The following ADI1 variants were observed in gnomAD, a reference collection of about 807,000 sequenced individuals.
ADI1 encodes the protein acireductone dioxygenase.
Under a neutral mutation model 18.7 loss-of-function variants are expected in ADI1, and 21 were observed. That is an observed-to-expected ratio of 1.13 (90% confidence interval 0.80 to 1.62). The LOEUF is 1.62. Ranked by LOEUF, ADI1 falls within the 40% of genes most tolerant of loss-of-function variation. ADI1 has a pLI of 0.00. For synonymous variants in ADI1, 90 were observed against 100.1 expected (o/e 0.90, Z 0.60); for missense variants, 245 against 254.9 (o/e 0.96, Z 0.26).
At chr2:3,504,591 C>A (rs141182496) in intron 2 of ADI1, among the ~76,000 whole-genome samples, 1 of 152,186 alleles carries the variant, frequency 6.6e-6, no homozygotes, top group Non-Finnish European at 1.5e-5. Context: ...GGAACTCACA[C>A]GACAGATCTA....
chr2:3,516,865 G>C, intron 1 of ADI1: 2 of 985,296 alleles, frequency 2.0e-6, no homozygotes, highest in Non-Finnish European at 2.4e-6. Context: ...AAAATTATGG[G>C]AGATGTTACA....
chr2:3,513,582 A>C (rs1667338055), intron 2 of ADI1, among the ~76,000 whole-genome samples: 7 of 152,148 alleles, frequency 4.6e-5, no homozygotes, highest in Admixed American at 4.6e-4. Flanking sequence ...TTATGTGAGA[A>C]GCCTGCTCCC....
At chr2:3,514,379 G>A (rs1305698294) in intron 1 of ADI1, among the ~76,000 whole-genome samples, 1 of 152,086 alleles carries the variant, frequency 6.6e-6, no homozygotes, top group Non-Finnish European at 1.5e-5. Flanking sequence ...TTGTTTCCAT[G>A]AGCCAAAACA....
chr2:3,516,114 T>C, intron 1 of ADI1: 2 of 919,602 alleles, frequency 2.2e-6, no homozygotes, highest in Non-Finnish European at 2.6e-6. Flanking sequence ...AATGTGATAG[T>C]ATTAAGGGGT....
intron 1 of ADI1, chr2:3,517,673 T>TGA (rs1667439756): frequency 6.6e-6 from 1 of 151,156 alleles, no homozygotes; most frequent in Non-Finnish European, 1.5e-5. Context: ...GGCTGACACA[T>TGA]GAGAATGGCT....
rs150142546 is a variant in ADI1 at position 3,503,431 on chromosome 2, A to G, written c.241-2438T>C. Among the ~76,000 whole-genome samples the G allele has an allele frequency of 4.8e-4, 73 of 151,656 alleles. 16 individuals carry two copies. In the East Asian group the frequency reaches 0.013, roughly 26 times the overall value. On this transcript the variant is annotated intron_variant, in intron 2 of 3. Coordinates refer to ENST00000327435, the MANE Select transcript of ADI1 (RefSeq NM_018269.4). Reference sequence around the variant, plus strand: ...CATGCACACGTACACACACGAGTGCATTCACACTCATGCACACATACGGAC... The same window carrying G: ...CATGCACACGTACACACACGAGTGCGTTCACACTCATGCACACATACGGAC...
intron 3 of ADI1, chr2:3,500,484 C>G: frequency 2.1e-6 from 1 of 468,546 alleles, no homozygotes; most frequent in Non-Finnish European, 3.9e-6. Flanking sequence ...GCCTCACCGC[C>G]AAGCAAGGGC....
At chr2:3,518,012 G>C (rs574869843) in intron 1 of ADI1, among the ~76,000 whole-genome samples, 1 of 152,262 alleles carries the variant, frequency 6.6e-6, no homozygotes, top group Non-Finnish European at 1.5e-5. Context: ...AACTCCCCAA[G>C]TGTATTAATT....
intron 2 of ADI1, among the ~76,000 whole-genome samples, chr2:3,505,697 C>G (rs1667160861): frequency 6.6e-6 from 1 of 152,214 alleles, no homozygotes; most frequent in Non-Finnish European, 1.5e-5. Context: ...CCCTTCGGAA[C>G]TCCATGTTAT....
At chr2:3,519,051 G>A (rs1218041953) in intron 1 of ADI1, among the ~76,000 whole-genome samples, 3 of 149,782 alleles carry the variant, frequency 2.0e-5, no homozygotes, top group Non-Finnish European at 3.0e-5. Flanking sequence ...CGCCAACCCC[G>A]TAAACTTCGC....
In ADI1 at chr2:3,519,357, G is replaced by A. The variant is rs1381470028; in HGVS notation, c.120+11C>T. ...TCGCCCGCACGCTCTGCGAGGCTTG[G>A]GCTCGCGTACCTTCCAGTAGAGCAC... On this transcript the variant is annotated intron_variant, in intron 1 of 3. Coordinates refer to ENST00000327435, the MANE Select transcript of ADI1 (RefSeq NM_018269.4). The A allele has an allele frequency of 7.0e-7, 1 of 1,421,784 alleles. No individual in the cohort carries two copies. The allele number at this position is 1,421,784 out of a possible 1,614,324, so 88.1% of individuals were successfully genotyped here.
intron 2 of ADI1, among the ~76,000 whole-genome samples, chr2:3,513,088 G>A (rs931053468): frequency 6.6e-6 from 1 of 152,166 alleles, no homozygotes; most frequent in Non-Finnish European, 1.5e-5. Flanking sequence ...CCTTTCTTTT[G>A]ACCAATTTCC....
At chr2:3,502,353 T>C (rs767547522) in intron 2 of ADI1, among the ~76,000 whole-genome samples, 1 of 151,642 alleles carries the variant, frequency 6.6e-6, no homozygotes, top group Non-Finnish European at 1.5e-5. Flanking sequence ...TGTTACAAAA[T>C]CATAAATAAA....
intron 1 of ADI1, chr2:3,516,913 T>C (rs1572240777): frequency 1.6e-6 from 1 of 626,622 alleles, no homozygotes. Context: ...GTGTGGCTTT[T>C]TTGTTTTTTG....
chr2:3,513,924 T>A lies in ADI1; in HGVS notation c.173A>T (p.Glu58Val). The change falls in exon 2 of 4, where the codon GAG (glutamate) becomes GTG (valine). Residue 58 changes from glutamate to valine, a missense_variant. Physicochemically the swap from Glu to Val is moderately radical, Grantham distance 121. Coordinates refer to ENST00000327435, the MANE Select transcript of ADI1 (RefSeq NM_018269.4). ...NDPELEKIRR[E>V]RNYSWMDIIT... ...GATGTCCATCCAGGAGTAGTTCCTCTCTCTTCGGATCTTTTCTAATTCTGG... is the reference window on the plus strand; with the variant it reads ...GATGTCCATCCAGGAGTAGTTCCTCACTCTTCGGATCTTTTCTAATTCTGG... 6.2e-7 allele frequency: 1 copy of A among 1,612,522 alleles called. No homozygotes were observed. The highest frequency in any genetic ancestry group is 2.2e-5 in the East Asian group (1 of 44,842).
At chr2:3,508,966 A>G (rs1667236205) in intron 2 of ADI1, among the ~76,000 whole-genome samples, 1 of 110,666 alleles carries the variant, frequency 9.0e-6, no homozygotes, top group Non-Finnish European at 1.7e-5. Flanking sequence ...AGGGGAGGAG[A>G]GGAGGGGAGA....
At chr2:3,504,005 C>T (rs569485039) in intron 2 of ADI1, among the ~76,000 whole-genome samples, 2 of 152,268 alleles carry the variant, frequency 1.3e-5, no homozygotes, top group South Asian at 4.2e-4. Context: ...GGAATCATCA[C>T]GACTTACGAA....
In ADI1 at chr2:3,499,026, G is replaced by C. The variant is rs556650618; in HGVS notation, c.477C>G (p.Asn159Lys). Residue 159 changes from asparagine (N) to lysine (K), a missense_variant, in exon 4 of 4, where the codon AAC (asparagine) becomes AAG (lysine). Coordinates refer to ENST00000327435, the MANE Select transcript of ADI1 (RefSeq NM_018269.4). ...GGGCTTCAAAATGGTCAGCGGGCCG[G>C]TTGTACGCTGTCCACACCGGTTCTC... Reference protein sequence around the residue: ...FVGEPVWTAYNRPADHFEARG... With the variant: ...FVGEPVWTAYKRPADHFEARG... 1.9e-6 allele frequency: 3 copies of C among 1,614,158 alleles called. No individual in the cohort carries two copies. In the South Asian group the frequency reaches 3.3e-5, roughly 18 times the overall value.
intron 1 of ADI1, chr2:3,514,689 C>T (rs1003577961): frequency 1.5e-6 from 2 of 1,312,982 alleles, no homozygotes; most frequent in Non-Finnish European, 2.1e-6. Context: ...CCTGACGAAG[C>T]ACTTCCCTGA....
Sources: gnomAD v4.1 joint callset for allele counts (sites outside exome capture counted in the v4.1 genomes callset) on GRCh38, gnomAD v4.1.1 for gene constraint, MANE v1.5 for transcripts, NCBI Gene and HGNC (gene_info 2026-07-23, HGNC 2026-07-21) for gene names.